The following SENP7 variants were observed in gnomAD, a reference collection of about 807,000 sequenced individuals.
SENP7 encodes sentrin-specific protease 7.
A neutral mutation model predicts 141.2 loss-of-function variants in SENP7; 64 were observed. That is an observed-to-expected ratio of 0.45 (90% CI 0.37 to 0.56). SENP7 has a LOEUF of 0.56. Among genes scored for constraint, SENP7 ranks in the 20% least tolerant of loss-of-function variants. The pLI is 0.00. For synonymous variants in SENP7, 382 were observed against 426.4 expected, an observed-to-expected ratio of 0.90 and a Z score of 1.28; for missense variants, 1,025 against 1,212.2, an observed-to-expected ratio of 0.85 and a Z score of 2.29.
At chr3:101,413,279 T>C (rs1371732915) in intron 5 of SENP7, among the ~76,000 whole-genome samples, 3 of 152,182 alleles carry the variant, frequency 2.0e-5, no homozygotes, top group Non-Finnish European at 4.4e-5. Flanking sequence ...AGCCTAAGTC[T>C]CCTATTATAT....
At chr3:101,435,953 C>T (rs1385102036) in intron 4 of SENP7, among the ~76,000 whole-genome samples, 1 of 151,958 alleles carries the variant, frequency 6.6e-6, no homozygotes, top group Non-Finnish European at 1.5e-5. Context: ...CACAAAAGAC[C>T]CAGAATAGGC....
intron 1 of SENP7, among the ~76,000 whole-genome samples, chr3:101,506,090 G>A (rs981660788): frequency 1.4e-5 from 2 of 142,720 alleles, no homozygotes; most frequent in African/African-American, 5.2e-5. Flanking sequence ...GCACGATCTC[G>A]GCTCACTGCA....
chr3:101,380,204 CAG>C (rs1324063030), intron 6 of SENP7, among the ~76,000 whole-genome samples: 4 of 151,880 alleles, frequency 2.6e-5, no homozygotes, highest in Non-Finnish European at 5.9e-5. Flanking sequence ...TTCATAGATA[CAG>C]AGTTTCAGTT....
intron 12 of SENP7, among the ~76,000 whole-genome samples, chr3:101,348,738 C>A (rs1002240817): frequency 5.3e-5 from 8 of 151,898 alleles, no homozygotes; most frequent in Non-Finnish European, 1.2e-4. Flanking sequence ...GGTCTTTCTC[C>A]CTCTTAGGGA....
At chr3:101,483,212 G>A (rs975997426) in intron 3 of SENP7, among the ~76,000 whole-genome samples, 1 of 152,042 alleles carries the variant, frequency 6.6e-6, no homozygotes, top group African/African-American at 2.4e-5. Flanking sequence ...ATCAGTGGTG[G>A]ACTGGATTAA....
At chr3:101,487,505 T>C (rs770325474) in intron 3 of SENP7, among the ~76,000 whole-genome samples, 32 of 152,174 alleles carry the variant, frequency 2.1e-4, no homozygotes, top group Non-Finnish European at 2.6e-4. Flanking sequence ...TGCAATTGCT[T>C]TTGGGGAATT....
intron 6 of SENP7, among the ~76,000 whole-genome samples, chr3:101,384,879 C>G (rs972843475): frequency 1.3e-5 from 2 of 152,208 alleles, no homozygotes; most frequent in African/African-American, 4.8e-5. Flanking sequence ...TGCTGCTATG[C>G]TTCCTGTACA....
intron 13 of SENP7, 53 bp from the exon 14 acceptor site, chr3:101,344,007 A>G (rs2059392151): frequency 1.8e-6 from 2 of 1,137,296 alleles, no homozygotes. Flanking sequence ...CAAGAGGATT[A>G]TAATACAAGT....
intron 4 of SENP7, among the ~76,000 whole-genome samples, chr3:101,451,876 G>C (rs963467212): frequency 8.5e-5 from 13 of 152,188 alleles, no homozygotes; most frequent in Admixed American, 7.9e-4. Context: ...AATCAGGCAA[G>C]AGAAGGAAAT....
At chr3:101,351,557 A>C (rs1355460908) in intron 12 of SENP7, 61 bp downstream of exon 12, 1 of 1,224,678 alleles carries the variant, frequency 8.2e-7, no homozygotes, top group Non-Finnish European at 1.1e-6. Context: ...ACTTAGTTTT[A>C]CTTAAATTTA....
intron 4 of SENP7, among the ~76,000 whole-genome samples, chr3:101,418,484 T>C (rs1042804888): frequency 1.1e-4 from 17 of 152,160 alleles, no homozygotes; most frequent in African/African-American, 3.6e-4. Flanking sequence ...TGCAGTGGTG[T>C]GAACAGGCTA....
At chr3:101,463,390 T>TAC (rs1559865369) in intron 3 of SENP7, among the ~76,000 whole-genome samples, 83 of 93,374 alleles carry the variant, frequency 8.9e-4, no homozygotes, top group African/African-American at 3.7e-3. Flanking sequence ...TATATATATA[T>TAC]ATATATACAT....
chr3:101,475,660 A>C (rs1296901006), intron 3 of SENP7, among the ~76,000 whole-genome samples: 1 of 152,212 alleles, frequency 6.6e-6, no homozygotes, highest in Non-Finnish European at 1.5e-5. Flanking sequence ...TTACCTATTT[A>C]ACAAATCTGC....
rs935272858 is a variant in SENP7 at position 101,363,158 on chromosome 3, C to A, written c.1477-1297G>T. 5 of 939,072 alleles carry A rather than the reference C, an allele frequency of 5.3e-6. No homozygotes were observed. In the African/African-American group the frequency reaches 8.9e-5, roughly 17 times the overall value. 58.2% of individuals were successfully genotyped at this position (939,072 alleles called of 1,614,324 possible). On this transcript the variant is annotated intron_variant, in intron 10 of 23. Transcript: ENST00000394095. ...CTTAATTGAATTTCTTTGTCATTCT[C>A]ATGTTTTATTGCTTAGTATACTATT... is the stretch of plus-strand genomic sequence containing the variant.
intron 1 of SENP7, among the ~76,000 whole-genome samples, chr3:101,509,222 C>T (rs1230357178): frequency 3.3e-5 from 5 of 152,144 alleles, no homozygotes; most frequent in African/African-American, 4.8e-5. Context: ...TACCTAATTT[C>T]CTACTCAAGC....
intron 3 of SENP7, among the ~76,000 whole-genome samples, chr3:101,482,315 C>CA (rs1426963692): frequency 0.033 from 2,166 of 65,870 alleles, 45 homozygotes; most frequent in African/African-American, 0.1. Flanking sequence ...TCTGTCTCAA[C>CA]AAAAAAAAAA....
chr3:101,498,244 A>C (rs1212848963), intron 2 of SENP7, among the ~76,000 whole-genome samples: 1 of 152,242 alleles, frequency 6.6e-6, no homozygotes, highest in African/African-American at 2.4e-5. Context: ...GTATATTTGC[A>C]TAGATTCAAA....
chr3:101,337,641 A>C lies in SENP7; in HGVS notation c.2358-10T>G. 1 of 1,551,102 alleles carries C rather than the reference A, an allele frequency of 6.4e-7. No individual in the cohort carries two copies. Among genetic ancestry groups the C allele is most frequent in the Non-Finnish European group, 8.7e-7 (1 of 1,151,858 alleles). On this transcript the variant is annotated splice_polypyrimidine_tract_variant and intron_variant, in intron 16 of 23. Coordinates refer to ENST00000394095, the MANE Select transcript of SENP7 (RefSeq NM_020654.5). Reference sequence around the variant, plus strand: ...CTCCAATATAAGATACCTGTAAAGTAGTAACCCCACAAAAGTAAATTATTT... The same window carrying C: ...CTCCAATATAAGATACCTGTAAAGTCGTAACCCCACAAAAGTAAATTATTT...
chr3:101,450,270 T>A (rs1013558768), intron 4 of SENP7, among the ~76,000 whole-genome samples: 36 of 152,152 alleles, frequency 2.4e-4, no homozygotes, highest in Non-Finnish European at 3.4e-4. Context: ...AATGGGAGAC[T>A]TTAACACCCC....
Sources: allele counts gnomAD v4.1 joint callset (sites outside exome capture counted in the v4.1 genomes callset), GRCh38; gene constraint gnomAD v4.1.1; transcripts MANE v1.5; gene names NCBI Gene and HGNC (gene_info 2026-07-23, HGNC 2026-07-21).